BACE1: variants seen among roughly 807,000 people sequenced by gnomAD.
BACE1 encodes beta-secretase 1.
BACE1 carries 21 observed loss-of-function variants against 54.0 expected under a neutral mutation model. The ratio of observed to expected loss-of-function variants is 0.39; its 90% confidence interval spans 0.28 to 0.56. The LOEUF (loss-of-function observed/expected upper bound fraction) is 0.56. BACE1 is among the 20% of genes least tolerant of loss of function. The probability of loss-of-function intolerance (pLI) is 0.63; values close to 1 mark genes in which losing one functional copy is unlikely to be tolerated. For missense variants in BACE1, 511 were observed against 661.2 expected, an observed-to-expected ratio of 0.77 and a Z score of 2.49; for synonymous variants, 232 against 260.9, an observed-to-expected ratio of 0.89 and a Z score of 1.07.
chr11:117,294,040 C>T (rs1431624287), intron 3 of BACE1, 32 bp from the exon 4 acceptor site: 58 of 1,603,628 alleles, frequency 3.6e-5, no homozygotes, highest in Non-Finnish European at 4.9e-5. Flanking sequence ...AGTGAGTCCT[C>T]ATACGGCCCT....
intron 1 of BACE1, among the ~76,000 whole-genome samples, chr11:117,298,448 C>T (rs2034651739): frequency 6.6e-6 from 1 of 152,220 alleles, no homozygotes; most frequent in South Asian, 2.1e-4. Flanking sequence ...TCACTGTGTA[C>T]CTGACTGATT....
intron 7 of BACE1, 39 bp downstream of exon 7, chr11:117,290,861 C>G: frequency 6.2e-7 from 1 of 1,605,346 alleles, no homozygotes; most frequent in Non-Finnish European, 8.5e-7. Context: ...CCAGTGTGTA[C>G]TTTTAAGAGA....
chr11:117,291,151 G>A (rs1349708951), intron 6 of BACE1, 102 bp from the exon 7 acceptor site: 1 of 1,426,922 alleles, frequency 7.0e-7, no homozygotes, highest in African/African-American at 1.4e-5. Context: ...TGCTTTTCCA[G>A]TGAAATATCT....
intron 8 of BACE1, 72 bp from the exon 9 acceptor site, chr11:117,289,879 A>G: frequency 7.3e-7 from 1 of 1,374,320 alleles, no homozygotes; most frequent in Non-Finnish European, 1.0e-6. Context: ...ACTTCCTGAT[A>G]GTGAGGCCTT....
chr11:117,310,992 T>C (rs1321157582), intron 1 of BACE1, among the ~76,000 whole-genome samples: 1 of 151,288 alleles, frequency 6.6e-6, no homozygotes, highest in Non-Finnish European at 1.5e-5. Context: ...TTTTTTTTTC[T>C]TTTTTGGAGA....
At chr11:117,305,512 T>C (rs2034810250) in intron 1 of BACE1, among the ~76,000 whole-genome samples, 2 of 151,974 alleles carry the variant, frequency 1.3e-5, no homozygotes, top group African/African-American at 4.8e-5. Context: ...GCAGGCTCCC[T>C]GGCGCCACTT....
At chr11:117,314,813 C>T (rs570021676) in intron 1 of BACE1, 1 of 152,664 alleles carries the variant, frequency 6.6e-6, no homozygotes, top group East Asian at 1.9e-4. Flanking sequence ...TGGAAGGAGT[C>T]CCACTCTTAA....
chr11:117,286,491 G>A lies in BACE1; in HGVS notation c.*3075C>T, dbSNP rs897158490. 1.3e-5 allele frequency: 2 copies of A among 152,504 alleles called. No individual in the cohort carries two copies. Among genetic ancestry groups the A allele is most frequent in the Non-Finnish European group, 2.9e-5 (2 of 68,018 alleles). 9.4% of individuals were successfully genotyped at this position (152,504 alleles called of 1,614,324 possible). On this transcript the variant is annotated 3_prime_UTR_variant, in exon 9 of 9. Coordinates refer to ENST00000313005, the MANE Select transcript of BACE1 (RefSeq NM_012104.6). ...TTAAAAAAACTGACTCCAGGGAAAG[G>A]ACATTATTATATTACCAATAGCTGA...
At chr11:117,296,675 C>T (rs925606599) in intron 2 of BACE1, among the ~76,000 whole-genome samples, 198 bp downstream of exon 2, 1 of 152,184 alleles carries the variant, frequency 6.6e-6, no homozygotes, top group African/African-American at 2.4e-5. Context: ...TCTCAATTCA[C>T]CCTTTCCCAT....
At chr11:117,306,392 A>T (rs1323731135) in intron 1 of BACE1, among the ~76,000 whole-genome samples, 1 of 152,204 alleles carries the variant, frequency 6.6e-6, no homozygotes, top group East Asian at 1.9e-4. Context: ...TCAGTTGAAA[A>T]TGAAGCTGAC....
intron 1 of BACE1, among the ~76,000 whole-genome samples, chr11:117,308,432 A>G (rs1235939501): frequency 6.6e-6 from 1 of 151,944 alleles, no homozygotes; most frequent in Non-Finnish European, 1.5e-5. Flanking sequence ...GAATACTTCC[A>G]CGAGGATGAC....
At chr11:117,301,606 C>CAA (rs1225592776) in intron 1 of BACE1, among the ~76,000 whole-genome samples, 4 of 130,454 alleles carry the variant, frequency 3.1e-5, no homozygotes, top group Admixed American at 1.6e-4. Flanking sequence ...AAGACCGTCT[C>CAA]AAAAAAAAAA....
chr11:117,300,420 C>T (rs1222576937), intron 1 of BACE1, among the ~76,000 whole-genome samples: 1 of 152,166 alleles, frequency 6.6e-6, no homozygotes, highest in African/African-American at 2.4e-5. Flanking sequence ...TGGCCAGTCC[C>T]GGCAGCCTTT....
At chr11:117,295,514 T>C (rs753292721) in intron 2 of BACE1, 167 bp from the exon 3 acceptor site, 2 of 1,536,070 alleles carry the variant, frequency 1.3e-6, no homozygotes, top group South Asian at 2.4e-5. Flanking sequence ...GAACAGAGTG[T>C]AAAGTGGGCT....
chr11:117,313,997 C>G (rs2035014104), intron 1 of BACE1, among the ~76,000 whole-genome samples: 1 of 152,138 alleles, frequency 6.6e-6, no homozygotes, highest in Admixed American at 6.5e-5. Flanking sequence ...GCAATTTGCC[C>G]AAGGCCACAC....
intron 1 of BACE1, among the ~76,000 whole-genome samples, chr11:117,307,050 A>G (rs1301918680): frequency 6.6e-6 from 1 of 152,034 alleles, no homozygotes; most frequent in Admixed American, 6.6e-5. Flanking sequence ...AGTTCTGCTG[A>G]TTTCCTCATT....
intron 6 of BACE1, among the ~76,000 whole-genome samples, chr11:117,291,418 C>T (rs1327370888): frequency 6.6e-6 from 1 of 152,100 alleles, no homozygotes; most frequent in Non-Finnish European, 1.5e-5. Context: ...GCTAGGATTA[C>T]AGGCGTGCGC....
Position 117,287,365 on chromosome 11 carries a change from C to T in BACE1, c.*2201G>A, listed in dbSNP as rs1263485392. ...CAAATGCAGTGAGTGGAGAATGGGA[C>T]AGTCATTTTTCAGGAGCAGAATTTA... On this transcript the variant is annotated 3_prime_UTR_variant, in exon 9 of 9. Transcript: ENST00000313005. 6.6e-6 allele frequency: 1 copy of T among 152,550 alleles called. No homozygotes were observed. The highest frequency in any genetic ancestry group is 1.5e-5 in the Non-Finnish European group (1 of 68,034). 9.4% of individuals were successfully genotyped at this position (152,550 alleles called of 1,614,324 possible).
rs1381358337 is a variant in BACE1 at position 117,295,146 on chromosome 11, A to G, written c.552T>C (p.Tyr184=). 2 of 1,614,158 alleles carry G rather than the reference A, an allele frequency of 1.2e-6. No homozygotes were observed. Among genetic ancestry groups the G allele is most frequent in the East Asian group, 2.2e-5 (1 of 44,874 alleles). The change falls in exon 3 of 9, where the codon TAT becomes TAC. Residue 184 remains tyrosine (Y), a synonymous_variant. Transcript: ENST00000313005. ...TTCCTCTCACCCTGGCAATCTCAGCATAGGCCAGCCCCAGGATGCCTTCCC... is the reference window on the plus strand; with the variant it reads ...TTCCTCTCACCCTGGCAATCTCAGCGTAGGCCAGCCCCAGGATGCCTTCCC... ...SNWEGILGLA[Y]AEIARPDDSL... is the part of the protein sequence containing the mutation.
Sources: allele counts gnomAD v4.1 joint callset (sites outside exome capture counted in the v4.1 genomes callset), GRCh38; gene constraint gnomAD v4.1.1; transcripts MANE v1.5; gene names NCBI Gene and HGNC (gene_info 2026-07-23, HGNC 2026-07-21).